Variants in RBM47 observed in about 807,000 individuals in gnomAD.
RBM47 encodes RNA binding motif protein 47.
RBM47 carries 21 observed loss-of-function variants against 47.1 expected under a neutral mutation model. The observed-to-expected ratio is 0.45, with a 90% confidence interval of 0.32 to 0.64. RBM47 has a LOEUF of 0.64. Among genes scored for constraint, RBM47 ranks in the 30% least tolerant of loss-of-function variants. The pLI is 0.05. For missense variants in RBM47, 708 were observed against 870.9 expected (o/e 0.81, Z 2.35); for synonymous variants, 375 against 361.7 (o/e 1.04, Z -0.42).
At chr4:40,504,046 G>C (rs907985174) in intron 2 of RBM47, among the ~76,000 whole-genome samples, 1 of 152,032 alleles carries the variant, frequency 6.6e-6, no homozygotes, top group East Asian at 1.9e-4. Context: ...TAAGGAAATG[G>C]TATACCCTCT....
intron 1 of RBM47, among the ~76,000 whole-genome samples, chr4:40,565,521 T>C (rs1230586408): frequency 1.3e-5 from 2 of 152,192 alleles, no homozygotes; most frequent in Non-Finnish European, 2.9e-5. Context: ...GACTTCCACA[T>C]TTTAACAACT....
intron 2 of RBM47, among the ~76,000 whole-genome samples, chr4:40,472,193 T>C (rs1243945389): frequency 6.6e-6 from 1 of 152,212 alleles, no homozygotes; most frequent in Non-Finnish European, 1.5e-5. Context: ...AAGCCAATAG[T>C]AGGCACTTAA....
At chr4:40,454,802 C>G (rs1346157023) in intron 3 of RBM47, among the ~76,000 whole-genome samples, 2 of 152,222 alleles carry the variant, frequency 1.3e-5, no homozygotes, top group East Asian at 3.9e-4. Flanking sequence ...CCATACTGCC[C>G]CTTTTTAAAG....
At chr4:40,556,816 G>A (rs1439097406) in intron 1 of RBM47, among the ~76,000 whole-genome samples, 1 of 152,102 alleles carries the variant, frequency 6.6e-6, no homozygotes, top group African/African-American at 2.4e-5. Context: ...CCTGAGCCCA[G>A]GATGCAAAGG....
At chr4:40,437,716 T>C in intron 4 of RBM47, 55 bp downstream of exon 4, 1 of 1,499,874 alleles carries the variant, frequency 6.7e-7, no homozygotes, top group Non-Finnish European at 9.1e-7. Context: ...TGGTGCCCCC[T>C]GCCTAGGAGG....
intron 3 of RBM47, among the ~76,000 whole-genome samples, chr4:40,439,185 T>C (rs1383793570): frequency 1.3e-5 from 2 of 152,156 alleles, no homozygotes; most frequent in Non-Finnish European, 2.9e-5. Context: ...ATTTCATCAG[T>C]ACCCCGACAG....
At chr4:40,428,852 C>T (rs971677384) in intron 6 of RBM47, among the ~76,000 whole-genome samples, 6 of 152,156 alleles carry the variant, frequency 3.9e-5, no homozygotes, top group African/African-American at 4.8e-5. Flanking sequence ...ATTCTACTCC[C>T]GGCCAGCAAT....
At chr4:40,600,180 ATTT>A (rs3077519) in intron 1 of RBM47, among the ~76,000 whole-genome samples, 1 of 144,900 alleles carries the variant, frequency 6.9e-6, no homozygotes. Flanking sequence ...TTTTTTATGA[ATTT>A]TTTTTTTTTT....
intron 2 of RBM47, among the ~76,000 whole-genome samples, chr4:40,532,642 T>A (rs1727522799): frequency 7.0e-6 from 1 of 142,416 alleles, no homozygotes; most frequent in African/African-American, 2.9e-5. Flanking sequence ...TTTTTCCTTT[T>A]TTTTTTCTTT....
intron 2 of RBM47, among the ~76,000 whole-genome samples, chr4:40,505,420 G>C (rs1723958261): frequency 6.7e-6 from 1 of 149,618 alleles, no homozygotes; most frequent in Admixed American, 6.7e-5. Flanking sequence ...TGAACCCAGT[G>C]AGGCGAGATT....
chr4:40,499,230 T>G (rs761245795), intron 2 of RBM47, among the ~76,000 whole-genome samples: 3 of 152,178 alleles, frequency 2.0e-5, no homozygotes, highest in Non-Finnish European at 2.9e-5. Flanking sequence ...TAGTACATAC[T>G]TACATGAAGA....
chr4:40,626,616 C>G (rs1040928247), intron 1 of RBM47, among the ~76,000 whole-genome samples: 1 of 152,156 alleles, frequency 6.6e-6, no homozygotes, highest in African/African-American at 2.4e-5. Context: ...TTTCCTCCCC[C>G]ACACCTTTTT....
chr4:40,507,435 G>A (rs565360054), intron 2 of RBM47, among the ~76,000 whole-genome samples: 5 of 152,252 alleles, frequency 3.3e-5, no homozygotes, highest in African/African-American at 1.2e-4. Context: ...GAAAGTTTTT[G>A]AATATATTAA....
At chr4:40,515,898 T>A (rs1347896659) in intron 2 of RBM47, 1 of 152,262 alleles carries the variant, frequency 6.6e-6, no homozygotes, top group Admixed American at 6.5e-5. Context: ...TTATTTTCAA[T>A]GTCCTCCTGT....
rs1473090893 is a variant in RBM47, at chr4:40,438,129, G to A, written c.765C>T (p.Ile255=). The A allele has an allele frequency of 6.2e-7, 1 of 1,613,074 alleles. No homozygotes were observed. The highest frequency in any genetic ancestry group is 1.7e-5 in the Admixed American group (1 of 60,008). The part of the protein sequence containing the change: ...VKILYVRNLM[I]ETTEDTIKKS... ...TCTTGATGGTGTCCTCGGTGGTCTC[G>A]ATCATGAGGTTGCGCACGTAGAGGA... The change falls in exon 4 of 7, where the codon ATC becomes ATT. Residue 255 remains isoleucine, a synonymous_variant. Transcript: ENST00000295971.
At chr4:40,431,751 T>C (rs1204544610) in intron 6 of RBM47, among the ~76,000 whole-genome samples, 2 of 62,462 alleles carry the variant, frequency 3.2e-5, no homozygotes, top group African/African-American at 9.1e-5. Flanking sequence ...GGATACACTA[T>C]GAAAAAGGTG....
chr4:40,572,880 G>A (rs959477138), intron 1 of RBM47, among the ~76,000 whole-genome samples: 12 of 151,788 alleles, frequency 7.9e-5, no homozygotes, highest in African/African-American at 9.7e-5. Flanking sequence ...GGCCGGATGC[G>A]GTAACTCACA....
chr4:40,548,033 C>T lies in RBM47; in HGVS notation c.-239-3527G>A, dbSNP rs114956530. ...TCAAGTTGAGAAGACAAAGTCATTGCCCTCCAGGAGGGTACAGATTAGTGG... is the reference window on the plus strand; with the variant it reads ...TCAAGTTGAGAAGACAAAGTCATTGTCCTCCAGGAGGGTACAGATTAGTGG... On this transcript the variant is annotated intron_variant, in intron 1 of 6. Transcript: ENST00000295971. Among the ~76,000 whole-genome samples, 772 of 152,256 alleles carry T rather than the reference C, an allele frequency of 5.1e-3. 5 individuals carry two copies. Among genetic ancestry groups the T allele is most frequent in the African/African-American group, 0.018 (742 of 41,536 alleles).
At chr4:40,533,894 C>A (rs897959588) in intron 2 of RBM47, among the ~76,000 whole-genome samples, 17 of 151,550 alleles carry the variant, frequency 1.1e-4, no homozygotes, top group Non-Finnish European at 1.5e-5. Flanking sequence ...CAGCTCACCA[C>A]AACCTCTGCC....
Sources: allele counts gnomAD v4.1 joint callset (sites outside exome capture counted in the v4.1 genomes callset), GRCh38; gene constraint gnomAD v4.1.1; transcripts MANE v1.5; gene names NCBI Gene and HGNC (gene_info 2026-07-23, HGNC 2026-07-21).